The following GOLM2 variants were observed in gnomAD, a reference collection of about 807,000 sequenced individuals.
GOLM2 encodes the protein golgi membrane protein 2.
In GOLM2, 26 loss-of-function variants were observed where a neutral mutation model predicts 55.9. The observed-to-expected ratio is 0.47, with a 90% CI of 0.34 to 0.65. The LOEUF (loss-of-function observed/expected upper bound fraction) is 0.65. Ranked by LOEUF, GOLM2 falls within the 30% of genes least tolerant of loss-of-function variation. The pLI, the probability that GOLM2 is intolerant of heterozygous loss-of-function variation, is 0.01. For missense variants in GOLM2, 486 were observed against 531.8 expected, an observed-to-expected ratio of 0.91 and a Z score of 0.85; for synonymous variants, 165 against 194.6, an observed-to-expected ratio of 0.85 and a Z score of 1.27.
intron 8 of GOLM2, among the ~76,000 whole-genome samples, chr15:44,385,475 A>C (rs571543224): frequency 6.6e-6 from 1 of 151,070 alleles, no homozygotes; most frequent in East Asian, 2.0e-4. Flanking sequence ...GACATTGAGC[A>C]CCTTTTCTGT....
intron 8 of GOLM2, among the ~76,000 whole-genome samples, chr15:44,391,979 T>A (rs2079493593): frequency 6.6e-6 from 1 of 152,020 alleles, no homozygotes; most frequent in Non-Finnish European, 1.5e-5. Flanking sequence ...GCCTCCCGAG[T>A]AGCTGGGATT....
intron 1 of GOLM2, among the ~76,000 whole-genome samples, chr15:44,314,775 C>T (rs1003654828): frequency 2.6e-5 from 4 of 152,012 alleles, no homozygotes; most frequent in Non-Finnish European, 4.4e-5. Context: ...AGACTCTGGA[C>T]GGGGTCTATT....
chr15:44,320,410 T>G (rs148562621), intron 1 of GOLM2, among the ~76,000 whole-genome samples: 4 of 152,298 alleles, frequency 2.6e-5, no homozygotes, highest in African/African-American at 9.6e-5. Context: ...GTGATCCTCC[T>G]ACCTCAGTCA....
intron 4 of GOLM2, among the ~76,000 whole-genome samples, chr15:44,335,035 T>C (rs564752312): frequency 1.1e-4 from 16 of 151,832 alleles, no homozygotes; most frequent in South Asian, 2.1e-4. Context: ...ATCTCAAAAA[T>C]TAAAAAATTA....
In GOLM2 at chr15:44,289,015, G is replaced by C; in HGVS notation, c.-15G>C. 6.2e-7 allele frequency: 1 copy of C among 1,608,042 alleles called. No individual in the cohort carries two copies. Among genetic ancestry groups the C allele is most frequent in the Non-Finnish European group, 8.5e-7 (1 of 1,176,720 alleles). ...TCTGCGGCGAGGCCCCTAGGGTACA[G>C]CCCGATTTGGCCCCATGGTGGGTTT... On this transcript the variant is annotated 5_prime_UTR_variant, in exon 1 of 10. Transcript: ENST00000299957. This position sits in a 1 kb window ranked among gnomAD's most constrained non-coding sequence, Gnocchi z 4.8.
At chr15:44,305,200 A>G (rs891161926) in intron 1 of GOLM2, among the ~76,000 whole-genome samples, 1 of 151,782 alleles carries the variant, frequency 6.6e-6, no homozygotes, top group African/African-American at 2.4e-5. Context: ...GAGTTTTGCC[A>G]TGTTATCCAG....
intron 8 of GOLM2, among the ~76,000 whole-genome samples, chr15:44,398,752 C>T (rs1263099817): frequency 1.3e-5 from 2 of 150,448 alleles, no homozygotes; most frequent in Admixed American, 6.7e-5. Context: ...CTGCAACCTC[C>T]ACCTCCCGGG....
At position 44,305,765 on chromosome 15, in the gene GOLM2, G is replaced by A. The variant is rs554057296; in HGVS notation, c.327+16409G>A. Among the ~76,000 whole-genome samples the A allele has an allele frequency of 9.3e-4, 141 of 152,260 alleles. 2 individuals carry two copies. The South Asian group carries it at 0.016, about 17-fold the overall frequency. Reference sequence around the variant, plus strand: ...AGTAGAAATTACTCCTTGCTCCATGGGTTGCTGTTAGCAGACATGAAAAGA... The same window carrying A: ...AGTAGAAATTACTCCTTGCTCCATGAGTTGCTGTTAGCAGACATGAAAAGA... On this transcript the variant is annotated intron_variant, in intron 1 of 9. Transcript: ENST00000299957.
At chr15:44,296,431 A>G (rs1388460911) in intron 1 of GOLM2, among the ~76,000 whole-genome samples, 2 of 152,222 alleles carry the variant, frequency 1.3e-5, no homozygotes, top group Non-Finnish European at 2.9e-5. Context: ...TTTAACAACC[A>G]TAATTTTCCT....
intron 6 of GOLM2, among the ~76,000 whole-genome samples, chr15:44,357,513 C>T (rs2079206009): frequency 6.6e-6 from 1 of 152,106 alleles, no homozygotes; most frequent in African/African-American, 2.4e-5. Context: ...TGCCTTCTCA[C>T]CACTCCTTTT....
intron 3 of GOLM2, 131 bp from the exon 4 acceptor site, chr15:44,331,855 GCT>G: frequency 1.6e-6 from 1 of 616,766 alleles, no homozygotes; most frequent in Non-Finnish European, 2.9e-6. Flanking sequence ...CTATTTGTAT[GCT>G]CTGTTTTTTC....
chr15:44,335,481 G>T (rs1448808590), intron 4 of GOLM2, among the ~76,000 whole-genome samples: 10 of 152,084 alleles, frequency 6.6e-5, no homozygotes, highest in Admixed American at 6.6e-4. Context: ...GTAGCTTGTT[G>T]ACTTTTAATT....
intron 7 of GOLM2, 50 bp downstream of exon 7, chr15:44,379,838 T>C (rs777091708): frequency 2.9e-6 from 3 of 1,028,616 alleles, no homozygotes; most frequent in African/African-American, 1.6e-5. Context: ...TTACTAGTCA[T>C]GTACAGTTAT....
At chr15:44,404,601 T>C (rs1186536677) in intron 9 of GOLM2, among the ~76,000 whole-genome samples, 1 of 152,218 alleles carries the variant, frequency 6.6e-6, no homozygotes, top group Non-Finnish European at 1.5e-5. Context: ...GTTTGGATTA[T>C]ATTTATTTGC....
intron 1 of GOLM2, among the ~76,000 whole-genome samples, chr15:44,305,423 C>T (rs1008779545): frequency 6.6e-6 from 1 of 151,946 alleles, no homozygotes; most frequent in Non-Finnish European, 1.5e-5. Flanking sequence ...CTTCAGCCTC[C>T]GAGTAGCTGG....
chr15:44,381,038 G>T (rs1003875958), intron 8 of GOLM2, 62 bp downstream of exon 8: 3 of 1,053,988 alleles, frequency 2.8e-6, no homozygotes, highest in Non-Finnish European at 3.9e-6. Flanking sequence ...ATGAATTAAG[G>T]TCTTCATTAT....
At chr15:44,323,162 C>T (rs2078962548) in intron 2 of GOLM2, 143 bp downstream of exon 2, 3 of 514,254 alleles carry the variant, frequency 5.8e-6, no homozygotes, top group Admixed American at 4.0e-5. Context: ...TATCCTTTTG[C>T]CTTAAGATAT....
intron 1 of GOLM2, among the ~76,000 whole-genome samples, chr15:44,319,008 A>T (rs2078931161): frequency 6.6e-6 from 1 of 152,154 alleles, no homozygotes; most frequent in African/African-American, 2.4e-5. Context: ...TGCAGGACTC[A>T]TATCAGTCAT....
intron 6 of GOLM2, among the ~76,000 whole-genome samples, chr15:44,372,872 G>A (rs1003403818): frequency 2.0e-5 from 3 of 151,932 alleles, no homozygotes; most frequent in African/African-American, 4.8e-5. Flanking sequence ...CCTGTCTCAA[G>A]GCCTTTGTAC....
Sources: allele counts gnomAD v4.1 joint callset (sites outside exome capture counted in the v4.1 genomes callset), GRCh38; gene constraint gnomAD v4.1.1; non-coding constraint Gnocchi (gnomAD v3.1); transcripts MANE v1.5; gene names NCBI Gene and HGNC (gene_info 2026-07-23, HGNC 2026-07-21).